Variants in ARB2A observed in about 807,000 individuals in gnomAD.
The protein encoded by ARB2A is cotranscriptional regulator ARB2A.
the ARB2A span, among the ~76,000 whole-genome samples, chr5:94,095,017 C>T: frequency 6.6e-6 from 1 of 152,216 alleles, no homozygotes; most frequent in South Asian, 2.1e-4. Context: ...TTCTGTTTAA[C>T]AATACACACA....
At chr5:94,090,873 T>C in the ARB2A span, among the ~76,000 whole-genome samples, 1 of 152,164 alleles carries the variant, frequency 6.6e-6, no homozygotes, top group African/African-American at 2.4e-5. Context: ...ATATCATCAC[T>C]AAAATTATCA....
chr5:93,755,854 A>C, the ARB2A span, among the ~76,000 whole-genome samples: 1 of 152,198 alleles, frequency 6.6e-6, no homozygotes, highest in South Asian at 2.1e-4. Context: ...ACTTTCTAAC[A>C]ATTTGAAAAG....
the ARB2A span, among the ~76,000 whole-genome samples, chr5:93,748,249 A>G: frequency 6.6e-6 from 1 of 152,126 alleles, no homozygotes; most frequent in Non-Finnish European, 1.5e-5. Flanking sequence ...GTTGAAGGAG[A>G]GTATAGAAGA....
At chr5:93,887,361 A>C in the ARB2A span, among the ~76,000 whole-genome samples, 1 of 151,816 alleles carries the variant, frequency 6.6e-6, no homozygotes, top group Non-Finnish European at 1.5e-5. Context: ...AATACACTGA[A>C]ATGTGCTCAA....
the ARB2A span, among the ~76,000 whole-genome samples, chr5:93,722,855 T>G: frequency 6.6e-6 from 1 of 152,158 alleles, no homozygotes; most frequent in African/African-American, 2.4e-5. Context: ...ATATTCAGCA[T>G]GTATAACAAT....
chr5:93,842,070 A>C, the ARB2A span, among the ~76,000 whole-genome samples: 1 of 152,230 alleles, frequency 6.6e-6, no homozygotes, highest in Non-Finnish European at 1.5e-5. Flanking sequence ...ACTACATGCA[A>C]TATGTTTCAA....
At chr5:94,072,773 A>G in the ARB2A span, among the ~76,000 whole-genome samples, 1 of 152,200 alleles carries the variant, frequency 6.6e-6, no homozygotes. Context: ...AATTCTTTAC[A>G]AGCATATCTT....
the ARB2A span, among the ~76,000 whole-genome samples, chr5:93,943,456 C>A: frequency 1.3e-4 from 20 of 152,172 alleles, no homozygotes; most frequent in South Asian, 4.1e-3. Context: ...AAACAAGAAT[C>A]TTTTGCCATA....
the ARB2A span, among the ~76,000 whole-genome samples, chr5:93,946,860 A>T: frequency 6.6e-6 from 1 of 152,158 alleles, no homozygotes; most frequent in Non-Finnish European, 1.5e-5. Context: ...TTCTTCAACA[A>T]CATGATTTAT....
the ARB2A span, among the ~76,000 whole-genome samples, chr5:93,972,425 A>G: frequency 1.3e-5 from 2 of 152,102 alleles, no homozygotes; most frequent in East Asian, 3.9e-4. Context: ...CAAGGGAAAA[A>G]AGAATAACAA....
the ARB2A span, chr5:93,805,230 C>T: frequency 1.0e-6 from 1 of 984,852 alleles, no homozygotes; most frequent in Admixed American, 6.2e-5. Context: ...TGAATCCTTT[C>T]TTCTATGATT....
chr5:93,801,271 T>C, the ARB2A span, among the ~76,000 whole-genome samples: 2 of 152,060 alleles, frequency 1.3e-5, no homozygotes, highest in African/African-American at 2.4e-5. Flanking sequence ...GGATACTCTA[T>C]TTATTTGTGA....
chr5:94,088,603 T>C, the ARB2A span, among the ~76,000 whole-genome samples: 8 of 152,052 alleles, frequency 5.3e-5, no homozygotes, highest in African/African-American at 2.4e-5. Flanking sequence ...TATCAGGAGT[T>C]TGACGTTACA....
chr5:93,624,468 T>C, the ARB2A span, among the ~76,000 whole-genome samples: 2 of 152,222 alleles, frequency 1.3e-5, no homozygotes. Context: ...AGGAATGATT[T>C]TGGTATCATT....
the ARB2A span, among the ~76,000 whole-genome samples, chr5:93,658,043 T>C: frequency 1.3e-5 from 2 of 152,168 alleles, no homozygotes; most frequent in Admixed American, 1.3e-4. Context: ...ACCTATTTTT[T>C]CCTCTGTGAA....
the ARB2A span, among the ~76,000 whole-genome samples, chr5:94,071,615 T>C: frequency 6.6e-6 from 1 of 152,064 alleles, no homozygotes; most frequent in East Asian, 1.9e-4. Context: ...AAGGTATAGA[T>C]GGCAAATAAG....
the ARB2A span, among the ~76,000 whole-genome samples, chr5:93,855,358 A>C: frequency 6.6e-6 from 1 of 152,194 alleles, no homozygotes; most frequent in Admixed American, 6.5e-5. Context: ...GTGTCTCTGC[A>C]TGTGAGATGG....
chr5:93,982,797 G>C, the ARB2A span, among the ~76,000 whole-genome samples: 7 of 152,190 alleles, frequency 4.6e-5, no homozygotes, highest in African/African-American at 7.2e-5. Context: ...GCTCATGCCG[G>C]TAATCCCAGC....
At chr5:93,807,465 A>G in the ARB2A span, among the ~76,000 whole-genome samples, 1 of 151,974 alleles carries the variant, frequency 6.6e-6, no homozygotes, top group African/African-American at 2.4e-5. Context: ...AATGAATAGC[A>G]CCAGGAAAAT....
Sources: gnomAD v4.1 joint callset for allele counts (sites outside exome capture counted in the v4.1 genomes callset) on GRCh38, gnomAD v4.1.1 for gene constraint, MANE v1.5 for transcripts, NCBI Gene and HGNC (gene_info 2026-07-23, HGNC 2026-07-21) for gene names.